Variants in PRKN observed in about 807,000 individuals in gnomAD.
The protein encoded by PRKN is E3 ubiquitin-protein ligase parkin.
Under a neutral mutation model 59.5 loss-of-function variants are expected in PRKN, and 56 were observed. The ratio of observed to expected loss-of-function variants is 0.94; its 90% CI spans 0.76 to 1.18. The LOEUF is 1.18. Among genes scored for constraint, PRKN ranks in the 50% most tolerant of loss-of-function variants. The pLI is 0.00. For synonymous variants in PRKN, 250 were observed against 222.1 expected (o/e 1.13, Z -1.12); for missense variants, 657 against 596.4 (o/e 1.10, Z -1.06).
chr6:161,541,646 T>C (rs1480542247), intron 9 of PRKN, among the ~76,000 whole-genome samples: 3 of 151,928 alleles, frequency 2.0e-5, no homozygotes, highest in Non-Finnish European at 2.9e-5. Flanking sequence ...CATGGTGCAA[T>C]CCCGTCTCTA....
Position 161,611,295 on chromosome 6 carries a change from C to T in PRKN, c.872-41879G>A, listed in dbSNP as rs558801211. Reference sequence around the variant, plus strand: ...GGGTCTAGAACTTACTTCTCTCTTACAGCACAGGCACACCTCTTCTTCTTG... The same window carrying T: ...GGGTCTAGAACTTACTTCTCTCTTATAGCACAGGCACACCTCTTCTTCTTG... On this transcript the variant is annotated intron_variant, in intron 7 of 11. Transcript: ENST00000366898. 2.2e-4 allele frequency among the ~76,000 whole-genome samples: 34 copies of T among 152,290 alleles called. No individual in the cohort carries two copies. In the South Asian group the frequency reaches 7.1e-3, roughly 32 times the overall value.
intron 1 of PRKN, among the ~76,000 whole-genome samples, chr6:162,718,769 A>G (rs763202866): frequency 6.6e-6 from 1 of 152,214 alleles, no homozygotes; most frequent in Non-Finnish European, 1.5e-5. Context: ...AGAGTTCTAA[A>G]ATGGGCAACA....
chr6:162,337,139 C>T (rs1327017135), intron 2 of PRKN, among the ~76,000 whole-genome samples: 1 of 152,164 alleles, frequency 6.6e-6, no homozygotes, highest in Non-Finnish European at 1.5e-5. Context: ...CAAATATTGA[C>T]TTGAAAATAA....
intron 6 of PRKN, among the ~76,000 whole-genome samples, chr6:161,867,740 C>CATTCATTCATTT (rs377654828): frequency 2.9e-5 from 4 of 137,536 alleles, no homozygotes; most frequent in Non-Finnish European, 6.1e-5. Context: ...AAAAATCTTT[C>CATTCATTCATTT]ATTTATTTAT....
chr6:161,497,577 T>TCACACACACA lies in PRKN; in HGVS notation c.1083+51267_1083+51276dup, dbSNP rs71278571. ...ATGTCTCTCTCTCTCTCTCTCTCTC[T>TCACACACACA]CACACACACACACACACACACCATA... On this transcript the variant is annotated intron_variant, in intron 9 of 11. Coordinates refer to ENST00000366898, the MANE Select transcript of PRKN (RefSeq NM_004562.3). This position sits in a 1 kb window ranked among gnomAD's most constrained non-coding sequence, Gnocchi z 4.6. 1.4e-4 allele frequency among the ~76,000 whole-genome samples: 21 copies of TCACACACACA among 147,478 alleles called. No individual in the cohort carries two copies. Among genetic ancestry groups the TCACACACACA allele is most frequent in the African/African-American group, 5.3e-4 (21 of 39,800 alleles).
chr6:161,774,945 C>T (rs940819076), intron 7 of PRKN, among the ~76,000 whole-genome samples: 5 of 152,158 alleles, frequency 3.3e-5, no homozygotes, highest in African/African-American at 1.2e-4. Context: ...TGAACTTGGA[C>T]TACAAGCACA....
chr6:161,955,234 G>A (rs1401420436), intron 6 of PRKN, among the ~76,000 whole-genome samples: 2 of 152,040 alleles, frequency 1.3e-5, no homozygotes, highest in Admixed American at 1.3e-4. Context: ...AGCAGCCCTG[G>A]CATCAACACA....
At chr6:162,103,972 G>A (rs1306482790) in intron 4 of PRKN, among the ~76,000 whole-genome samples, 1 of 152,210 alleles carries the variant, frequency 6.6e-6, no homozygotes, top group Non-Finnish European at 1.5e-5. Flanking sequence ...TCAGGGGATG[G>A]CAGCCTGTGC....
In PRKN at chr6:161,390,851, C is replaced by A. The variant is rs1786473638; in HGVS notation, c.1084-3974G>T. ...TTTTCCTTCCATTTGTGTGAATTAT[C>A]ATTTCAGATAACTATTAAGTCGTTA... On this transcript the variant is annotated intron_variant, in intron 9 of 11. Transcript: ENST00000366898. This position sits in a 1 kb window ranked among gnomAD's most constrained non-coding sequence, Gnocchi z 7.0. 6.6e-6 allele frequency among the ~76,000 whole-genome samples: 1 copy of A among 152,098 alleles called. No homozygotes were observed. The highest frequency in any genetic ancestry group is 1.5e-5 in the Non-Finnish European group (1 of 68,028).
In PRKN at chr6:162,232,674, G is replaced by A. The variant is rs576440966; in HGVS notation, c.412+29851C>T. Among the ~76,000 whole-genome samples the A allele has an allele frequency of 3.3e-5, 5 of 152,190 alleles. No homozygotes were observed. The South Asian group carries it at 1.0e-3, about 32-fold the overall frequency. On this transcript the variant is annotated intron_variant, in intron 3 of 11. Coordinates refer to ENST00000366898, the MANE Select transcript of PRKN (RefSeq NM_004562.3). ...TGTGTGATTTTTTCTTCTCTCTGCT[G>A]TGACTTTATTCAAGGTCTTTAGATC...
In PRKN at chr6:161,355,466, A is replaced by G. The variant is rs576946811; in HGVS notation, c.1285+4622T>C. On this transcript the variant is annotated intron_variant, in intron 11 of 11. Coordinates refer to ENST00000366898, the MANE Select transcript of PRKN (RefSeq NM_004562.3). The surrounding 1 kb of genome is among the most constrained non-coding windows in gnomAD (Gnocchi z 6.8). ...ACCCAGGCCGAAGTGCAATGGTGCAATCTTGGCTCACTGCAACCTCCACCT... is the reference window on the plus strand; with the variant it reads ...ACCCAGGCCGAAGTGCAATGGTGCAGTCTTGGCTCACTGCAACCTCCACCT... Among the ~76,000 whole-genome samples, 13 of 152,266 alleles carry G rather than the reference A, an allele frequency of 8.5e-5. No homozygotes were observed. In the East Asian group the frequency reaches 2.3e-3, roughly 27 times the overall value.
intron 9 of PRKN, among the ~76,000 whole-genome samples, chr6:161,404,349 G>T (rs141997197): frequency 6.6e-6 from 1 of 152,274 alleles, no homozygotes; most frequent in Non-Finnish European, 1.5e-5. Context: ...ACGCATAGAC[G>T]GGATGACAGA....
At chr6:161,903,574 G>A (rs2128235571) in intron 6 of PRKN, among the ~76,000 whole-genome samples, 1 of 152,204 alleles carries the variant, frequency 6.6e-6, no homozygotes, top group South Asian at 2.1e-4. Context: ...TTGTTGGGTT[G>A]CCAACCAATT....
intron 4 of PRKN, among the ~76,000 whole-genome samples, chr6:162,057,984 A>C (rs1457923017): frequency 6.6e-6 from 1 of 152,206 alleles, no homozygotes; most frequent in Non-Finnish European, 1.5e-5. Context: ...GGCAAATTGC[A>C]AATCCTTTGA....
intron 2 of PRKN, among the ~76,000 whole-genome samples, chr6:162,352,901 A>G (rs1028145817): frequency 1.3e-5 from 2 of 152,208 alleles, no homozygotes; most frequent in Admixed American, 1.3e-4. Flanking sequence ...CTTTAAGTAG[A>G]TAAGATGAAT....
At chr6:162,152,930 G>C (rs1782334818) in intron 4 of PRKN, among the ~76,000 whole-genome samples, 1 of 152,170 alleles carries the variant, frequency 6.6e-6, no homozygotes, top group Non-Finnish European at 1.5e-5. Flanking sequence ...GTCTCAAAAT[G>C]TGTTCCACAA....
intron 4 of PRKN, among the ~76,000 whole-genome samples, chr6:162,102,660 A>G (rs1314873825): frequency 1.3e-5 from 2 of 152,164 alleles, no homozygotes; most frequent in Non-Finnish European, 2.9e-5. Flanking sequence ...AAGTTGGAAA[A>G]GTGGTTGTGG....
At position 161,584,255 on chromosome 6, in the gene PRKN, A is replaced by T. The variant is rs1781445693; in HGVS notation, c.872-14839T>A. On this transcript the variant is annotated intron_variant, in intron 7 of 11. Coordinates refer to ENST00000366898, the MANE Select transcript of PRKN (RefSeq NM_004562.3). This position sits in a 1 kb window ranked among gnomAD's most constrained non-coding sequence, Gnocchi z 4.8. ...ATAATTATGAAAAATGTCTGTGCTC[A>T]ATACAGCCTGTCCTTCCAGCTTCCC... Among the ~76,000 whole-genome samples the T allele has an allele frequency of 6.6e-6, 1 of 152,200 alleles. No homozygotes were observed. Among genetic ancestry groups the T allele is most frequent in the Non-Finnish European group, 1.5e-5 (1 of 68,040 alleles).
chr6:162,338,192 AGAT>A (rs1156810371), intron 2 of PRKN, among the ~76,000 whole-genome samples: 2 of 152,190 alleles, frequency 1.3e-5, no homozygotes, highest in African/African-American at 4.8e-5. Flanking sequence ...CCACAGCAGG[AGAT>A]GATAAGGCTA....
Sources: gnomAD v4.1 joint callset for allele counts (sites outside exome capture counted in the v4.1 genomes callset) on GRCh38, gnomAD v4.1.1 for gene constraint, Gnocchi (gnomAD v3.1) non-coding constraint, MANE v1.5 for transcripts, NCBI Gene and HGNC (gene_info 2026-07-23, HGNC 2026-07-21) for gene names.